EPHB1: variants seen among roughly 807,000 people sequenced by gnomAD.
The protein encoded by EPHB1 is ephrin type-B receptor 1.
EPHB1 carries 30 observed loss-of-function variants against 94.4 expected under a neutral mutation model. The ratio of observed to expected loss-of-function variants is 0.32; its 90% CI spans 0.24 to 0.43. EPHB1 has a LOEUF of 0.43. EPHB1 is among the 20% of genes least tolerant of loss of function. The pLI is 1.00. For synonymous variants in EPHB1, 522 were observed against 489.1 expected (o/e 1.07, Z -0.89); for missense variants, 1,055 against 1,308.3 (o/e 0.81, Z 2.99).
intron 10 of EPHB1, among the ~76,000 whole-genome samples, chr3:135,184,463 C>T (rs1056899992): frequency 6.6e-6 from 1 of 152,150 alleles, no homozygotes; most frequent in Admixed American, 6.5e-5. Flanking sequence ...GTTTAATGTT[C>T]GTCTTTCCTC....
chr3:135,097,110 A>AAG (rs1938818775), intron 3 of EPHB1, among the ~76,000 whole-genome samples: 2 of 143,344 alleles, frequency 1.4e-5, no homozygotes, highest in African/African-American at 2.5e-5. Flanking sequence ...AAAAAAAAAA[A>AAG]AAAAAGAAAA....
At chr3:135,111,154 A>T (rs1318982783) in intron 4 of EPHB1, among the ~76,000 whole-genome samples, 2 of 152,158 alleles carry the variant, frequency 1.3e-5, no homozygotes, top group Non-Finnish European at 2.9e-5. Flanking sequence ...GATCTGCTGC[A>T]TCATGCTCAA....
Position 135,089,399 on chromosome 3 carries a change from G to A in EPHB1, c.806-17049G>A, listed in dbSNP as rs1208808816. Among the ~76,000 whole-genome samples the A allele has an allele frequency of 2.6e-5, 4 of 152,224 alleles. No individual in the cohort carries two copies. In the East Asian group the frequency reaches 7.7e-4, roughly 29 times the overall value. ...TTATTCTGAGTAACATACCTGGCCT[G>A]TGCCACATGCTTAAATTCTTATTGT... On this transcript the variant is annotated intron_variant, in intron 3 of 15. Coordinates refer to ENST00000398015, the MANE Select transcript of EPHB1 (RefSeq NM_004441.5).
At chr3:135,127,471 A>G (rs1351816246) in intron 4 of EPHB1, among the ~76,000 whole-genome samples, 1 of 152,152 alleles carries the variant, frequency 6.6e-6, no homozygotes, top group African/African-American at 2.4e-5. Flanking sequence ...GAGGGATCCC[A>G]GGACACAGAC....
chr3:135,194,148 C>A (rs1942534683), intron 11 of EPHB1, among the ~76,000 whole-genome samples: 1 of 152,096 alleles, frequency 6.6e-6, no homozygotes, highest in Non-Finnish European at 1.5e-5. Flanking sequence ...AGTGACAGGC[C>A]CAGATACAAG....
intron 12 of EPHB1, among the ~76,000 whole-genome samples, chr3:135,235,549 C>T (rs1357476591): frequency 3.9e-5 from 6 of 152,172 alleles, no homozygotes; most frequent in Non-Finnish European, 7.3e-5. Context: ...CCTACCAATG[C>T]TTGGGCACCA....
intron 3 of EPHB1, among the ~76,000 whole-genome samples, chr3:135,032,217 T>C (rs1031265074): frequency 6.6e-6 from 1 of 152,056 alleles, no homozygotes; most frequent in African/African-American, 2.4e-5. Context: ...GTTAGTAAGA[T>C]ATGAGACTTC....
chr3:134,981,436 A>G lies in EPHB1; in HGVS notation c.805+29384A>G, dbSNP rs1375769547. On this transcript the variant is annotated intron_variant, in intron 3 of 15. Coordinates refer to ENST00000398015, the MANE Select transcript of EPHB1 (RefSeq NM_004441.5). ...GAGCACTAGAGGGTCTTGGATTGGC[A>G]TTAAATGGCCTGGTTCAGAAGTGAC... Among the ~76,000 whole-genome samples, 18 of 152,310 alleles carry G rather than the reference A, an allele frequency of 1.2e-4. 1 individual carries two copies. In the South Asian group the frequency reaches 3.7e-3, roughly 32 times the overall value.
chr3:135,231,708 C>CTAT (rs1943534871), intron 12 of EPHB1, among the ~76,000 whole-genome samples: 1 of 152,202 alleles, frequency 6.6e-6, no homozygotes, highest in Non-Finnish European at 1.5e-5. Flanking sequence ...GAAAAACATT[C>CTAT]TATTTAGAAA....
chr3:135,132,625 G>A, intron 4 of EPHB1, 89 bp from the exon 5 acceptor site: 2 of 1,204,548 alleles, frequency 1.7e-6, no homozygotes, highest in South Asian at 3.1e-5. Flanking sequence ...GCACTGATGA[G>A]GTTGGGAATG....
chr3:135,251,960 C>A (rs902328038), intron 15 of EPHB1, among the ~76,000 whole-genome samples: 1 of 152,184 alleles, frequency 6.6e-6, no homozygotes, highest in Admixed American at 6.5e-5. Context: ...CACTGCTTAC[C>A]TACTGTGTGA....
intron 14 of EPHB1, 99 bp downstream of exon 14, chr3:135,248,608 G>A: frequency 7.8e-7 from 1 of 1,287,320 alleles, no homozygotes; most frequent in Non-Finnish European, 1.1e-6. Flanking sequence ...ATTTTTTAAA[G>A]AGTATCTAGT....
At chr3:134,811,260 T>G (rs2036174312) in intron 1 of EPHB1, among the ~76,000 whole-genome samples, 1 of 145,132 alleles carries the variant, frequency 6.9e-6, no homozygotes, top group African/African-American at 2.5e-5. Context: ...TTTTTTTTTT[T>G]TTTCTGTCTT....
rs550598133 is a variant in EPHB1 at position 135,053,558 on chromosome 3, C to T, written c.806-52890C>T. Among the ~76,000 whole-genome samples the T allele has an allele frequency of 3.3e-5, 5 of 152,292 alleles. No homozygotes were observed. The South Asian group carries it at 1.0e-3, about 32-fold the overall frequency. ...TTGAGATGAGGTCTTTGAGGGGAGTCTTAGCATATCAATAGTTGTTTGATG... is the reference window on the plus strand; with the variant it reads ...TTGAGATGAGGTCTTTGAGGGGAGTTTTAGCATATCAATAGTTGTTTGATG... On this transcript the variant is annotated intron_variant, in intron 3 of 15. Coordinates refer to ENST00000398015, the MANE Select transcript of EPHB1 (RefSeq NM_004441.5).
intron 3 of EPHB1, among the ~76,000 whole-genome samples, chr3:135,058,860 C>T (rs536707412): frequency 4.6e-5 from 7 of 152,316 alleles, no homozygotes; most frequent in South Asian, 4.1e-4. Flanking sequence ...TTTCTTATTA[C>T]GGTGTACTTT....
At chr3:135,136,199 A>G (rs1255834786) in intron 5 of EPHB1, among the ~76,000 whole-genome samples, 3 of 152,188 alleles carry the variant, frequency 2.0e-5, no homozygotes, top group South Asian at 2.1e-4. Flanking sequence ...TGATCTAAGA[A>G]GAGACCTTGG....
chr3:135,096,134 G>A (rs1938749867), intron 3 of EPHB1, among the ~76,000 whole-genome samples: 1 of 152,216 alleles, frequency 6.6e-6, no homozygotes. Context: ...ATTCAGCCTG[G>A]CTCCTTGTGG....
chr3:135,169,540 T>C (rs1487032854), intron 9 of EPHB1, among the ~76,000 whole-genome samples: 1 of 152,158 alleles, frequency 6.6e-6, no homozygotes, highest in African/African-American at 2.4e-5. Context: ...AATATCCATT[T>C]CCCTGACTAA....
intron 3 of EPHB1, among the ~76,000 whole-genome samples, chr3:134,954,424 G>C (rs919846936): frequency 6.6e-6 from 1 of 152,190 alleles, no homozygotes; most frequent in East Asian, 1.9e-4. Context: ...AGTGCTGCCA[G>C]ATGGACATGG....
Sources: gnomAD v4.1 joint callset for allele counts (sites outside exome capture counted in the v4.1 genomes callset) on GRCh38, gnomAD v4.1.1 for gene constraint, MANE v1.5 for transcripts, NCBI Gene and HGNC (gene_info 2026-07-23, HGNC 2026-07-21) for gene names.